The following CREB1 variants were observed in gnomAD, a reference collection of about 807,000 sequenced individuals.
CREB1 encodes cyclic AMP-responsive element-binding protein 1.
CREB1 carries 2 observed loss-of-function variants against 42.0 expected under a neutral mutation model. The observed-to-expected ratio is 0.05, with a 90% confidence interval of 0.02 to 0.15. The LOEUF is 0.15. Ranked by LOEUF, CREB1 falls within the 10% of genes least tolerant of loss-of-function variation. The pLI is 1.00. For synonymous variants in CREB1, 123 were observed against 139.9 expected (o/e 0.88, Z 0.85); for missense variants, 199 against 388.9 (o/e 0.51, Z 4.11).
At chr2:207,562,949 C>A (rs541945309) in intron 3 of CREB1, among the ~76,000 whole-genome samples, 1 of 152,170 alleles carries the variant, frequency 6.6e-6, no homozygotes, top group African/African-American at 2.4e-5. Context: ...GCAAATAATA[C>A]TTCTCTGTTC....
intron 4 of CREB1, chr2:207,567,985 C>T (rs1386081730): frequency 6.6e-6 from 1 of 152,600 alleles, no homozygotes; most frequent in African/African-American, 2.4e-5. Flanking sequence ...GCTTTACTAA[C>T]ATCCCCTAAT....
rs778071681 is a variant in CREB1, at chr2:207,538,606, G to A, written c.-9+8472G>A. ...AGGGGCGAGGTTTTGAGAGGATGAG[G>A]TCTAAGGAATTGATGGTGAGTTTTT... On this transcript the variant is annotated intron_variant, in intron 1 of 7. Transcript: ENST00000353267. Among the ~76,000 whole-genome samples the A allele has an allele frequency of 3.3e-5, 5 of 152,282 alleles. No homozygotes were observed. In the South Asian group the frequency reaches 1.0e-3, roughly 32 times the overall value.
chr2:207,589,510 A>C (rs1453652456), intron 7 of CREB1, among the ~76,000 whole-genome samples: 4 of 152,204 alleles, frequency 2.6e-5, no homozygotes, highest in Non-Finnish European at 5.9e-5. Context: ...CCTTTGCCAT[A>C]TAAGGTAACA....
chr2:207,541,599 T>C (rs1349997075), intron 1 of CREB1, among the ~76,000 whole-genome samples: 1 of 152,228 alleles, frequency 6.6e-6, no homozygotes, highest in Non-Finnish European at 1.5e-5. Context: ...GATGCATTTC[T>C]CAGAACATAT....
chr2:207,569,830 G>C (rs1181056621), intron 4 of CREB1, among the ~76,000 whole-genome samples: 1 of 151,808 alleles, frequency 6.6e-6, no homozygotes, highest in African/African-American at 2.4e-5. Context: ...GATCACATGA[G>C]GTCAGGAGTT....
At chr2:207,572,605 T>C (rs950509429) in intron 5 of CREB1, among the ~76,000 whole-genome samples, 1 of 151,862 alleles carries the variant, frequency 6.6e-6, no homozygotes, top group East Asian at 1.9e-4. Flanking sequence ...ATCCTAAGAG[T>C]GGAATTATCG....
chr2:207,591,196 T>C lies in CREB1; in HGVS notation c.840-5718T>C, dbSNP rs146769910. On this transcript the variant is annotated intron_variant, in intron 7 of 7. Transcript: ENST00000353267. ...GTCATCTCTGAGACTCTACTTAGTC[T>C]ATCATCACTGACAGGAGAGTGTATT... Among the ~76,000 whole-genome samples the C allele has an allele frequency of 4.9e-4, 75 of 152,330 alleles. No individual in the cohort carries two copies. The East Asian group carries it at 0.011, about 23-fold the overall frequency.
intron 3 of CREB1, among the ~76,000 whole-genome samples, chr2:207,563,690 T>C (rs1224776620): frequency 6.6e-6 from 1 of 152,186 alleles, no homozygotes; most frequent in African/African-American, 2.4e-5. Context: ...ATTCCTGTAA[T>C]CCCAGCACTT....
chr2:207,541,625 CAT>C (rs898894338), intron 1 of CREB1, among the ~76,000 whole-genome samples: 3 of 152,182 alleles, frequency 2.0e-5, no homozygotes, highest in African/African-American at 7.2e-5. Context: ...TCAAGTGACA[CAT>C]GACTGTATAT....
At chr2:207,570,707 T>G (rs891066964) in intron 5 of CREB1, among the ~76,000 whole-genome samples, 3 of 152,328 alleles carry the variant, frequency 2.0e-5, no homozygotes, top group African/African-American at 7.2e-5. Flanking sequence ...TTTAATAGTT[T>G]GTCTTGCCTT....
chr2:207,565,829 C>G (rs1389238187), intron 3 of CREB1, among the ~76,000 whole-genome samples: 1 of 152,118 alleles, frequency 6.6e-6, no homozygotes, highest in African/African-American at 2.4e-5. Flanking sequence ...CTTGTTATTC[C>G]TTGAATTTCT....
At chr2:207,583,308 A>G (rs970228048) in intron 7 of CREB1, among the ~76,000 whole-genome samples, 6 of 152,152 alleles carry the variant, frequency 3.9e-5, no homozygotes, top group Admixed American at 2.0e-4. Context: ...ACACACTAAC[A>G]TATCTGACTC....
chr2:207,582,066 T>G (rs1374320582), intron 7 of CREB1: 1 of 700,364 alleles, frequency 1.4e-6, no homozygotes, highest in Non-Finnish European at 2.6e-6. Flanking sequence ...TTTGATCACT[T>G]GGTTAAAGTG....
chr2:207,603,242 A>C lies in CREB1; in HGVS notation c.*6184A>C, dbSNP rs1044797767. On this transcript the variant is annotated 3_prime_UTR_variant, in exon 8 of 8. Transcript: ENST00000353267. The stretch of plus-strand genomic sequence containing the variant: ...AGTTACAATGCATTTTATTAACACT[A>C]TGTACATAATAGCTGCTTTGTGTTC... 10 of 219,276 alleles carry C rather than the reference A, an allele frequency of 4.6e-5. No homozygotes were observed. The highest frequency in any genetic ancestry group is 5.8e-5 in the Admixed American group (1 of 17,352). The allele number at this position is 219,276 out of a possible 1,614,324, so 13.6% of individuals were successfully genotyped here. A position where few individuals can be genotyped will look rare whatever the true frequency, so the allele number is the denominator to read the frequency against.
chr2:207,577,490 C>A lies in CREB1; in HGVS notation c.689-15C>A. ...CAATGTTTCTGTCTTACACCATGCT[C>A]ACTGTTTTTTTCAGCTGCCTCTGGA... On this transcript the variant is annotated splice_polypyrimidine_tract_variant and intron_variant, in intron 6 of 7. Transcript: ENST00000353267. 6.2e-7 allele frequency: 1 copy of A among 1,613,084 alleles called. No individual in the cohort carries two copies. Among genetic ancestry groups the A allele is most frequent in the Non-Finnish European group, 8.5e-7 (1 of 1,179,300 alleles).
intron 7 of CREB1, among the ~76,000 whole-genome samples, chr2:207,588,887 G>C (rs2084417829): frequency 7.6e-6 from 1 of 132,244 alleles, no homozygotes; most frequent in South Asian, 2.5e-4. Context: ...TAGGAGCTTT[G>C]TCGGGGGGGG....
intron 1 of CREB1, among the ~76,000 whole-genome samples, chr2:207,546,998 T>C (rs999132848): frequency 1.3e-5 from 2 of 152,210 alleles, no homozygotes; most frequent in African/African-American, 2.4e-5. Context: ...TTTTGTAATA[T>C]TGGAGGCTGT....
chr2:207,561,104 T>C, intron 3 of CREB1: 1 of 1,611,262 alleles, frequency 6.2e-7, no homozygotes, highest in South Asian at 1.1e-5. Flanking sequence ...CCATTTCATA[T>C]TTTTTGCTTC....
At chr2:207,539,513 G>A (rs955844505) in intron 1 of CREB1, among the ~76,000 whole-genome samples, 1 of 152,050 alleles carries the variant, frequency 6.6e-6, no homozygotes, top group South Asian at 2.1e-4. Context: ...TGAAATAATC[G>A]CAAGAAAATT....
Sources: gnomAD v4.1 joint callset for allele counts (sites outside exome capture counted in the v4.1 genomes callset) on GRCh38, gnomAD v4.1.1 for gene constraint, MANE v1.5 for transcripts, NCBI Gene and HGNC (gene_info 2026-07-23, HGNC 2026-07-21) for gene names.